GET1: variants seen among roughly 807,000 people sequenced by gnomAD.
GET1 encodes the protein guided entry of tail-anchored proteins factor 1.
GET1 carries 20 observed loss-of-function variants against 22.6 expected under a neutral mutation model. The observed-to-expected ratio is 0.89, with a 90% CI of 0.62 to 1.29. The LOEUF (loss-of-function observed/expected upper bound fraction) is 1.29, where lower values mean the gene tolerates loss of function less well. Among genes scored for constraint, GET1 ranks in the 50% most tolerant of loss-of-function variants. The pLI, the probability that GET1 is intolerant of heterozygous loss-of-function variation, is 0.00. For missense variants in GET1, 209 were observed against 219.9 expected (o/e 0.95, Z 0.31); for synonymous variants, 92 against 83.8 (o/e 1.10, Z -0.53).
chr21:39,397,058 T>G lies in GET1; in HGVS notation c.*119T>G, dbSNP rs1212137106. On this transcript the variant is annotated 3_prime_UTR_variant, in exon 5 of 5. Coordinates refer to ENST00000649170, the MANE Select transcript of GET1 (RefSeq NM_004627.6). ...AAGTGCATAGTTTAGATTTTTTTTTTGTTGAATATGTTTGTTCTTGGACTT... is the reference window on the plus strand; with the variant it reads ...AAGTGCATAGTTTAGATTTTTTTTTGGTTGAATATGTTTGTTCTTGGACTT... 4.9e-6 allele frequency: 5 copies of G among 1,029,952 alleles called. No individual in the cohort carries two copies. The highest frequency in any genetic ancestry group is 7.1e-6 in the Non-Finnish European group (5 of 704,260). 63.8% of individuals were successfully genotyped at this position (1,029,952 alleles called of 1,614,324 possible).
exon 5 of GET1, chr21:39,406,557 T>C: frequency 1.9e-6 from 3 of 1,608,896 alleles, no homozygotes; most frequent in Non-Finnish European, 2.5e-6. Flanking sequence ...CTTTTTGTCT[T>C]CCAGTATTCT....
chr21:39,423,441 G>T, intron 1 of GET1: 1 of 1,590,714 alleles, frequency 6.3e-7, no homozygotes. Flanking sequence ...GAGAATTAAA[G>T]AGTGATGCAT....
chr21:39,399,975 T>C (rs1333918720), downstream of GET1, among the ~76,000 whole-genome samples: 8 of 151,872 alleles, frequency 5.3e-5, no homozygotes, highest in Non-Finnish European at 7.4e-5. Context: ...TCTCAAACTC[T>C]TGGGCTCAAG....
Sources: allele counts gnomAD v4.1 joint callset (sites outside exome capture counted in the v4.1 genomes callset), GRCh38; gene constraint gnomAD v4.1.1; transcripts MANE v1.5; gene names NCBI Gene and HGNC (gene_info 2026-07-23, HGNC 2026-07-21).